ACTR3C: variants seen among roughly 807,000 people sequenced by gnomAD.
The protein encoded by ACTR3C is actin related protein 3C, also known as actin-related protein 3C.
In ACTR3C, 18 loss-of-function variants were observed where a neutral mutation model predicts 26.3. The observed-to-expected ratio is 0.68, with a 90% CI of 0.47 to 1.01. The LOEUF (loss-of-function observed/expected upper bound fraction) is 1.01. Ranked by LOEUF, ACTR3C falls within the 50% of genes least tolerant of loss-of-function variation. The probability of loss-of-function intolerance (pLI) is 0.00; values close to 1 mark genes in which losing one functional copy is unlikely to be tolerated. For synonymous variants in ACTR3C, 55 were observed against 94.5 expected (o/e 0.58, Z 2.42); for missense variants, 184 against 250.7 (o/e 0.73, Z 1.80).
chr7:149,926,243 C>T, the ACTR3C span, among the ~76,000 whole-genome samples: 4 of 152,212 alleles, frequency 2.6e-5, no homozygotes, highest in South Asian at 2.1e-4. Context: ...ATATTTGCAA[C>T]GTATATCATT....
the ACTR3C span, among the ~76,000 whole-genome samples, chr7:149,917,119 A>G: frequency 1.3e-5 from 2 of 148,404 alleles, no homozygotes; most frequent in African/African-American, 2.5e-5. Context: ...CTTGTTGCCC[A>G]GGCTGGAGTG....
chr7:150,019,892 G>A, the ACTR3C span, among the ~76,000 whole-genome samples: 8 of 152,034 alleles, frequency 5.3e-5, no homozygotes, highest in East Asian at 1.5e-3. Flanking sequence ...AGTACATAAT[G>A]ATACTGAAAG....
chr7:150,164,119 C>A, the ACTR3C span, among the ~76,000 whole-genome samples: 78,137 of 142,680 alleles, frequency 0.55, 18,638 homozygotes, highest in East Asian at 0.72. Context: ...GGGAGAGATG[C>A]GGGCACGCTG....
At chr7:150,276,962 C>G (rs3953517) in intron 6 of ACTR3C, among the ~76,000 whole-genome samples, 3 of 152,296 alleles carry the variant, frequency 2.0e-5, no homozygotes, top group African/African-American at 7.2e-5. Flanking sequence ...GTGTTGCTGT[C>G]AGGGTGTTTT....
At chr7:150,284,716 G>A (rs746416347) in intron 6 of ACTR3C, 37 bp downstream of exon 6, 3 of 1,518,634 alleles carry the variant, frequency 2.0e-6, no homozygotes, top group Non-Finnish European at 1.8e-6. Flanking sequence ...TTTAATTGTG[G>A]AATGAAATCA....
At chr7:150,302,881 T>C (rs1239077159) in intron 1 of ACTR3C, 1 of 152,176 alleles carries the variant, frequency 6.6e-6, no homozygotes, top group African/African-American at 2.4e-5. Flanking sequence ...ACGCAGCACA[T>C]CTTGCCACAG....
chr7:150,228,161 GCTTTA>G, the ACTR3C span, among the ~76,000 whole-genome samples: 1 of 152,076 alleles, frequency 6.6e-6, no homozygotes, highest in African/African-American at 2.4e-5. Context: ...TCGATATTGA[GCTTTA>G]CTTTGATTTC....
At chr7:149,904,832 A>T in the ACTR3C span, among the ~76,000 whole-genome samples, 1 of 151,032 alleles carries the variant, frequency 6.6e-6, no homozygotes, top group Non-Finnish European at 1.5e-5. Flanking sequence ...CATCTCTACT[A>T]AAAATACAAA....
chr7:150,205,510 G>A, the ACTR3C span, among the ~76,000 whole-genome samples: 1 of 152,092 alleles, frequency 6.6e-6, no homozygotes, highest in Non-Finnish European at 1.5e-5. Flanking sequence ...AACTCCAATT[G>A]CCACAAAACG....
At chr7:150,205,418 T>C in the ACTR3C span, among the ~76,000 whole-genome samples, 1 of 152,198 alleles carries the variant, frequency 6.6e-6, no homozygotes, top group South Asian at 2.1e-4. Context: ...GGATGTAACC[T>C]ACATTTTCTG....
At chr7:150,158,662 G>A in the ACTR3C span, among the ~76,000 whole-genome samples, 1 of 152,198 alleles carries the variant, frequency 6.6e-6, no homozygotes, top group African/African-American at 2.4e-5. Context: ...GTTGAGGACG[G>A]GTGATCTTGG....
the ACTR3C span, among the ~76,000 whole-genome samples, chr7:150,016,913 T>C: frequency 6.6e-6 from 1 of 152,068 alleles, no homozygotes; most frequent in African/African-American, 2.4e-5. Flanking sequence ...ATAAGAGAAG[T>C]AAATAAAGTA....
At chr7:150,079,722 T>C in the ACTR3C span, among the ~76,000 whole-genome samples, 5 of 152,150 alleles carry the variant, frequency 3.3e-5, no homozygotes, top group African/African-American at 1.2e-4. Flanking sequence ...GTGGGGGCAG[T>C]GATTTTTCAC....
At chr7:150,319,400 T>C (rs1484243347) in intron 1 of ACTR3C, among the ~76,000 whole-genome samples, 1 of 151,900 alleles carries the variant, frequency 6.6e-6, no homozygotes, top group Non-Finnish European at 1.5e-5. Context: ...AGAAACGGGG[T>C]TTCTCCATGT....
At chr7:149,976,355 A>G in the ACTR3C span, among the ~76,000 whole-genome samples, 1 of 152,044 alleles carries the variant, frequency 6.6e-6, no homozygotes, top group Non-Finnish European at 1.5e-5. Flanking sequence ...CGGGCGGATC[A>G]CGAGGTCAGG....
At chr7:149,962,379 T>A in the ACTR3C span, among the ~76,000 whole-genome samples, 1 of 151,994 alleles carries the variant, frequency 6.6e-6, no homozygotes, top group African/African-American at 2.4e-5. Context: ...GGAAGAAAAT[T>A]AGATCCACAC....
the ACTR3C span, among the ~76,000 whole-genome samples, chr7:150,143,552 C>T: frequency 1.3e-5 from 2 of 152,236 alleles, no homozygotes; most frequent in African/African-American, 4.8e-5. Flanking sequence ...ACCTTCCCAG[C>T]TCTCCCAGAC....
chr7:150,110,142 T>C, the ACTR3C span, among the ~76,000 whole-genome samples: 171 of 126,980 alleles, frequency 1.3e-3, no homozygotes, highest in African/African-American at 5.4e-3. Context: ...TAGGAACTGG[T>C]ACTAAAAGGC....
At chr7:150,030,491 C>T in the ACTR3C span, among the ~76,000 whole-genome samples, 8 of 152,108 alleles carry the variant, frequency 5.3e-5, no homozygotes, top group African/African-American at 1.5e-4. Context: ...GCCTGTCTCT[C>T]CCCAGACTGA....
Sources: allele counts gnomAD v4.1 joint callset (sites outside exome capture counted in the v4.1 genomes callset), GRCh38; gene constraint gnomAD v4.1.1; transcripts MANE v1.5; gene names NCBI Gene and HGNC (gene_info 2026-07-23, HGNC 2026-07-21).